Variants in SRI observed in about 807,000 individuals in gnomAD.
SRI encodes 22 kDa protein.
In SRI, 30 loss-of-function variants were observed where a neutral mutation model predicts 33.3. That is an observed-to-expected ratio of 0.90 (90% confidence interval 0.67 to 1.22). SRI has a LOEUF of 1.22. Among genes scored for constraint, SRI ranks in the 50% most tolerant of loss-of-function variants. SRI has a pLI of 0.00. For missense variants in SRI, 243 were observed against 250.8 expected (o/e 0.97, Z 0.21); for synonymous variants, 75 against 89.9 (o/e 0.83, Z 0.94).
intron 1 of SRI, among the ~76,000 whole-genome samples, chr7:88,225,652 G>T (rs1017050489): frequency 1.2e-4 from 19 of 152,170 alleles, no homozygotes; most frequent in Non-Finnish European, 5.9e-5. Context: ...TGCTTATCTT[G>T]TCACTTCAGA....
rs1851427905 is a variant in SRI at position 88,205,808 on chromosome 7, ATTG to A, written c.*667_*669del. 1 of 152,444 alleles carries A rather than the reference ATTG, an allele frequency of 6.6e-6. No individual in the cohort carries two copies. Among genetic ancestry groups the A allele is most frequent in the African/African-American group, 2.4e-5 (1 of 41,458 alleles). 9.4% of individuals were successfully genotyped at this position (152,444 alleles called of 1,614,324 possible). ...AGAATTCCATTCATCCAAAATAAAC[ATTG>A]TTAATATTTCCATATATTCCCTTAG... On this transcript the variant is annotated 3_prime_UTR_variant, in exon 8 of 8. Coordinates refer to ENST00000265729, the MANE Select transcript of SRI (RefSeq NM_003130.4).
In SRI at chr7:88,219,997, G is replaced by A. The variant is rs1411821420; in HGVS notation, c.30C>T (p.Gly10=). The A allele has an allele frequency of 1.3e-6, 2 of 1,536,882 alleles. No homozygotes were observed. The highest frequency in any genetic ancestry group is 8.7e-7 in the Non-Finnish European group (1 of 1,146,128). ...TTACCCCGCCTGGGTAGTACCCGCC[G>A]CCGGCGCCAGGATGCCCCGGGTACG... MAYPGHPGA[G]GGYYPGGYGG... Residue 10 remains glycine (G), a synonymous_variant, in exon 1 of 8, where the codon GGC becomes GGT. Transcript: ENST00000265729.
upstream of SRI, chr7:88,220,058 T>C (rs770480261): frequency 1.3e-6 from 2 of 1,514,110 alleles, no homozygotes; most frequent in Non-Finnish European, 1.8e-6. Flanking sequence ...GCCCTCGCCC[T>C]GTGCGCCAGG....
chr7:88,215,645 A>G (rs1266756349), intron 3 of SRI, among the ~76,000 whole-genome samples: 18 of 152,242 alleles, frequency 1.2e-4, no homozygotes, highest in Admixed American at 1.2e-3. Context: ...GGAAAGAGTA[A>G]TAGGATACTA....
chr7:88,208,702 C>T (rs1335455495), intron 6 of SRI, 137 bp from the exon 7 acceptor site: 15 of 1,338,040 alleles, frequency 1.1e-5, no homozygotes, highest in African/African-American at 2.9e-5. Flanking sequence ...AACAAAAGAC[C>T]AAAGCAAAGA....
At chr7:88,208,220 A>G (rs763017411) in intron 7 of SRI, 20 of 442,232 alleles carry the variant, frequency 4.5e-5, no homozygotes, top group Non-Finnish European at 6.0e-5. Context: ...CTTTATTCAT[A>G]TAGTGTCACA....
rs1028876324 is a variant in SRI, at chr7:88,220,032, A to C, written c.-6T>G. 2 of 1,526,740 alleles carry C rather than the reference A, an allele frequency of 1.3e-6. No homozygotes were observed. Among genetic ancestry groups the C allele is most frequent in the Non-Finnish European group, 1.7e-6 (2 of 1,143,082 alleles). 94.6% of individuals were successfully genotyped at this position (1,526,740 alleles called of 1,614,324 possible). ...GGATGCCCCGGGTACGCCATGCTGC[A>C]GACTGCGCCGCAGCCGCCCTCGCCC... On this transcript the variant is annotated 5_prime_UTR_variant, in exon 1 of 8. Coordinates refer to ENST00000265729, the MANE Select transcript of SRI (RefSeq NM_003130.4).
chr7:88,220,192 C>T (rs964413584), upstream of SRI: 10 of 1,313,308 alleles, frequency 7.6e-6, no homozygotes, highest in African/African-American at 1.6e-4. Flanking sequence ...GGCCGTGGCT[C>T]CCCTGCCTGC....
At chr7:88,220,860 T>G (rs1415830027), upstream of SRI, among the ~76,000 whole-genome samples, 1 of 152,242 alleles carries the variant, frequency 6.6e-6, no homozygotes, top group Non-Finnish European at 1.5e-5. Context: ...AATAGTGTAC[T>G]GGTAAGTATT....
chr7:88,216,206 G>A (rs1396944970), intron 3 of SRI, among the ~76,000 whole-genome samples: 3 of 152,132 alleles, frequency 2.0e-5, no homozygotes, highest in African/African-American at 7.2e-5. Flanking sequence ...TTGAACTCCC[G>A]GGCTCAAGCA....
At chr7:88,207,516 T>C (rs1851463378) in intron 7 of SRI, among the ~76,000 whole-genome samples, 3 of 151,454 alleles carry the variant, frequency 2.0e-5, no homozygotes, top group Admixed American at 2.0e-4. Flanking sequence ...TTTTTGTTTG[T>C]TTGTTTTTTG....
rs1851483738 is a variant in SRI, at chr7:88,208,372, C to T, written c.570+135G>A. ...GAAATTAATAAATTCTGGATGATAA[C>T]TCTTTCTAACTTTTGAATCCCTTAT... On this transcript the variant is annotated intron_variant, in intron 7 of 7. Transcript: ENST00000265729. The T allele has an allele frequency of 4.2e-6, 6 of 1,427,918 alleles. No homozygotes were observed. The South Asian group carries it at 9.7e-5, about 23-fold the overall frequency. The allele number at this position is 1,427,918 out of a possible 1,614,324, so 88.5% of individuals were successfully genotyped here. A position where few individuals can be genotyped will look rare whatever the true frequency, so the allele number is the denominator to read the frequency against.
Position 88,209,390 on chromosome 7 carries a change from T to A in SRI, c.460A>T (p.Ile154Phe). Residue 154 changes from isoleucine (I) to phenylalanine (F), a missense_variant, in exon 6 of 8, where the codon ATC (isoleucine) becomes TTC (phenylalanine). By Grantham distance (21) the Ile-to-Phe change is conservative. Transcript: ENST00000265729. ...IAKRYSTNGK[I>F]TFDDYIACCV... The stretch of plus-strand genomic sequence containing the variant: ...CAGGCGATGTAGTCGTCGAAGGTGA[T>A]CTTTCCATTGGTGCTGTATCGTTTT... 1 of 1,614,152 alleles carries A rather than the reference T, an allele frequency of 6.2e-7. No individual in the cohort carries two copies. The highest frequency in any genetic ancestry group is 1.1e-5 in the South Asian group (1 of 91,086).
upstream of SRI, among the ~76,000 whole-genome samples, chr7:88,221,460 T>G (rs1851886355): frequency 6.6e-6 from 1 of 152,190 alleles, no homozygotes; most frequent in Non-Finnish European, 1.5e-5. Flanking sequence ...TCCCCTGGTC[T>G]CTCTTTGGAA....
intron 3 of SRI, among the ~76,000 whole-genome samples, chr7:88,215,093 T>C (rs1406298876): frequency 6.6e-6 from 1 of 152,212 alleles, no homozygotes. Flanking sequence ...GCTCATCCAA[T>C]TCGGACCTGT....
intron 3 of SRI, among the ~76,000 whole-genome samples, chr7:88,213,321 C>T (rs1392884096): frequency 6.6e-6 from 1 of 152,198 alleles, no homozygotes; most frequent in Non-Finnish European, 1.5e-5. Flanking sequence ...TTAACTGGTA[C>T]ATAAGGTAAC....
chr7:88,214,988 A>G (rs11760375), intron 3 of SRI: 48,720 of 484,888 alleles, frequency 0.1, 3,301 homozygotes, highest in Non-Finnish European at 0.15. Flanking sequence ...TGACTGGAAC[A>G]CAACTTCTCT....
intron 6 of SRI, chr7:88,208,786 T>C: frequency 1.7e-6 from 1 of 599,030 alleles, no homozygotes. Flanking sequence ...CTGTGTTTTT[T>C]GTTTTTTTGT....
chr7:88,206,762 A>G (rs548747294), intron 7 of SRI, among the ~76,000 whole-genome samples: 141 of 152,294 alleles, frequency 9.3e-4, no homozygotes, highest in African/African-American at 3.3e-3. Flanking sequence ...AATTTAAATA[A>G]TTATTTGAAT....
Sources: gnomAD v4.1 joint callset for allele counts (sites outside exome capture counted in the v4.1 genomes callset) on GRCh38, gnomAD v4.1.1 for gene constraint, MANE v1.5 for transcripts, NCBI Gene and HGNC (gene_info 2026-07-23, HGNC 2026-07-21) for gene names.